The following SEMA3E variants were observed in gnomAD, a reference collection of about 807,000 sequenced individuals.
SEMA3E encodes the protein semaphorin-3E.
In SEMA3E, 49 loss-of-function variants were observed where a neutral mutation model predicts 93.6. The observed-to-expected ratio is 0.52, with a 90% CI of 0.42 to 0.66. The LOEUF (loss-of-function observed/expected upper bound fraction) is 0.66. SEMA3E is among the 30% of genes least tolerant of loss of function. SEMA3E has a pLI of 0.00. For missense variants in SEMA3E, 906 were observed against 964.8 expected (o/e 0.94, Z 0.81); for synonymous variants, 363 against 330.7 (o/e 1.10, Z -1.06).
At chr7:83,549,194 A>G (rs762307660) in intron 1 of SEMA3E, among the ~76,000 whole-genome samples, 6 of 152,144 alleles carry the variant, frequency 3.9e-5, no homozygotes, top group African/African-American at 1.4e-4. Flanking sequence ...ATTTTATACC[A>G]ATTTATATTT....
chr7:83,568,956 G>T (rs150407932), intron 1 of SEMA3E, among the ~76,000 whole-genome samples: 1 of 151,992 alleles, frequency 6.6e-6, no homozygotes, highest in African/African-American at 2.4e-5. Flanking sequence ...CTTTGCTGTT[G>T]ATATGATCTT....
chr7:83,414,567 G>GA (rs535008789), intron 5 of SEMA3E, among the ~76,000 whole-genome samples: 1 of 151,772 alleles, frequency 6.6e-6, no homozygotes, highest in Non-Finnish European at 1.5e-5. Flanking sequence ...AAAAGTAATA[G>GA]AAAAAAAGTG....
At chr7:83,557,991 T>A (rs552554092) in intron 1 of SEMA3E, among the ~76,000 whole-genome samples, 5 of 152,282 alleles carry the variant, frequency 3.3e-5, no homozygotes, top group African/African-American at 1.2e-4. Context: ...TTGAACATGA[T>A]CCAGAAGGAT....
chr7:83,618,979 A>T (rs75533004), intron 1 of SEMA3E, among the ~76,000 whole-genome samples: 43,812 of 151,652 alleles, frequency 0.29, 7,040 homozygotes, highest in African/African-American at 0.42. Context: ...ATACATTCTT[A>T]TATAGTGGCT....
chr7:83,596,742 T>G (rs1474401462), intron 1 of SEMA3E, among the ~76,000 whole-genome samples: 1 of 152,086 alleles, frequency 6.6e-6, no homozygotes, highest in Non-Finnish European at 1.5e-5. Flanking sequence ...CCCCAATCTC[T>G]TTTCTTGCTC....
rs147614840 is a variant in SEMA3E at position 83,469,292 on chromosome 7, G to A, written c.287C>T (p.Pro96Leu). 26 of 1,608,434 alleles carry A rather than the reference G, an allele frequency of 1.6e-5. No homozygotes were observed. The highest frequency in any genetic ancestry group is 2.7e-5 in the African/African-American group (2 of 74,628). The change falls in exon 3 of 17, where the codon CCG (proline) becomes CTG (leucine). Residue 96 changes from proline to leucine, a missense_variant. Pro to Leu is a moderately conservative substitution (Grantham distance 98). Transcript: ENST00000643230. ...TTCTTCCATTTTTAGAGCTGTACTC[G>A]GCCAGTGTATCTAAAATAAAAGATA... ...ISDGYKEIHW[P>L]STALKMEECI...
At chr7:83,647,424 T>C (rs917395593) in intron 1 of SEMA3E, among the ~76,000 whole-genome samples, 1 of 152,188 alleles carries the variant, frequency 6.6e-6, no homozygotes, top group African/African-American at 2.4e-5. Flanking sequence ...ATGATTCTTA[T>C]GTAATCCTGA....
At chr7:83,444,373 C>T (rs576377680) in intron 4 of SEMA3E, among the ~76,000 whole-genome samples, 1 of 152,212 alleles carries the variant, frequency 6.6e-6, no homozygotes, top group African/African-American at 2.4e-5. Flanking sequence ...AGAGGTCCTC[C>T]CTCCTTTGTC....
At chr7:83,539,855 C>CTCTGTGTG (rs551859742) in intron 1 of SEMA3E, among the ~76,000 whole-genome samples, 3 of 122,696 alleles carry the variant, frequency 2.4e-5, no homozygotes, top group African/African-American at 9.0e-5. Flanking sequence ...TTTGTTGTTT[C>CTCTGTGTG]TGTGTGTGTG....
rs1400207928 is a variant in SEMA3E at position 83,366,900 on chromosome 7, A to G, written c.*686T>C. ...TTTGACATTCTTTCTGAGATTTGAT[A>G]TCTTTCTGAGAAGTTACCTTAGTTT... On this transcript the variant is annotated 3_prime_UTR_variant, in exon 17 of 17. Coordinates refer to ENST00000643230, the MANE Select transcript of SEMA3E (RefSeq NM_012431.3). 1 of 152,232 alleles carries G rather than the reference A, an allele frequency of 6.6e-6. No homozygotes were observed. The highest frequency in any genetic ancestry group is 1.5e-5 in the Non-Finnish European group (1 of 68,026). 9.4% of individuals were successfully genotyped at this position (152,232 alleles called of 1,614,324 possible).
At chr7:83,510,919 A>G (rs1790804464) in intron 1 of SEMA3E, among the ~76,000 whole-genome samples, 1 of 152,210 alleles carries the variant, frequency 6.6e-6, no homozygotes, top group African/African-American at 2.4e-5. Context: ...AATTATATGT[A>G]TAATATCACA....
chr7:83,590,771 C>T (rs568200776), intron 1 of SEMA3E, among the ~76,000 whole-genome samples: 1 of 152,156 alleles, frequency 6.6e-6, no homozygotes, highest in South Asian at 2.1e-4. Flanking sequence ...AGTTAACATA[C>T]AGAGAATCAG....
chr7:83,611,924 A>C (rs1334695397), intron 1 of SEMA3E, among the ~76,000 whole-genome samples: 1 of 152,056 alleles, frequency 6.6e-6, no homozygotes, highest in East Asian at 1.9e-4. Flanking sequence ...ATGGCAGCAG[A>C]GGCCCACATG....
chr7:83,570,531 C>T (rs368332640), intron 1 of SEMA3E, among the ~76,000 whole-genome samples: 2 of 95,616 alleles, frequency 2.1e-5, no homozygotes, highest in African/African-American at 5.6e-5. Flanking sequence ...CCAGCCTGGG[C>T]GACAGAGCGA....
At chr7:83,406,107 C>A (rs2115643713) in intron 7 of SEMA3E, 48 bp from the exon 8 acceptor site, 1 of 1,297,334 alleles carries the variant, frequency 7.7e-7, no homozygotes, top group Non-Finnish European at 1.1e-6. Context: ...GAATTTCGAC[C>A]AACCACAGAT....
intron 4 of SEMA3E, among the ~76,000 whole-genome samples, chr7:83,432,272 GTT>G (rs61299855): frequency 3.4e-5 from 5 of 146,682 alleles, no homozygotes; most frequent in Non-Finnish European, 6.0e-5. Flanking sequence ...GCATTTGAGG[GTT>G]TTTTTTTTTG....
At chr7:83,519,296 T>C (rs1331619475) in intron 1 of SEMA3E, among the ~76,000 whole-genome samples, 2 of 152,162 alleles carry the variant, frequency 1.3e-5, no homozygotes, top group African/African-American at 2.4e-5. Context: ...ACAAAGGACA[T>C]GAACTTGTCT....
At chr7:83,528,112 G>A (rs546646650) in intron 1 of SEMA3E, among the ~76,000 whole-genome samples, 5 of 151,794 alleles carry the variant, frequency 3.3e-5, no homozygotes, top group Admixed American at 6.6e-5. Context: ...CTTTTTGGTA[G>A]GAAAAAGTAA....
intron 1 of SEMA3E, among the ~76,000 whole-genome samples, chr7:83,566,891 T>C (rs1792172431): frequency 6.6e-6 from 1 of 152,068 alleles, no homozygotes; most frequent in Admixed American, 6.5e-5. Context: ...CAACCAAAAA[T>C]CAATTCATAA....
Sources: gnomAD v4.1 joint callset for allele counts (sites outside exome capture counted in the v4.1 genomes callset) on GRCh38, gnomAD v4.1.1 for gene constraint, MANE v1.5 for transcripts, NCBI Gene and HGNC (gene_info 2026-07-23, HGNC 2026-07-21) for gene names.